CCDC32: variants seen among roughly 807,000 people sequenced by gnomAD.
CCDC32 encodes coiled-coil domain-containing protein 32.
In CCDC32, 9 loss-of-function variants were observed where a neutral mutation model predicts 20.1. The observed-to-expected ratio is 0.45, with a 90% confidence interval of 0.27 to 0.78. The LOEUF (loss-of-function observed/expected upper bound fraction) is 0.78, where lower values mean the gene tolerates loss of function less well. CCDC32 is among the 30% of genes least tolerant of loss of function. The probability of loss-of-function intolerance (pLI) is 0.16; values close to 1 mark genes in which losing one functional copy is unlikely to be tolerated. For synonymous variants in CCDC32, 63 were observed against 79.0 expected (o/e 0.80, Z 1.07); for missense variants, 204 against 215.5 (o/e 0.95, Z 0.33).
At chr15:40,532,848 C>T (rs924803331), downstream of CCDC32, among the ~76,000 whole-genome samples, 8 of 150,870 alleles carry the variant, frequency 5.3e-5, no homozygotes, top group South Asian at 4.2e-4. Flanking sequence ...CAGGCTGGCG[C>T]GTGCCACCAG....
At chr15:40,560,645 G>C (rs1890558538) in intron 2 of CCDC32, among the ~76,000 whole-genome samples, 1 of 152,082 alleles carries the variant, frequency 6.6e-6, no homozygotes, top group Non-Finnish European at 1.5e-5. Flanking sequence ...TAATCATCAG[G>C]GAAATGCAAG....
At chr15:40,532,644 C>T (rs1888923177), downstream of CCDC32, among the ~76,000 whole-genome samples, 1 of 150,624 alleles carries the variant, frequency 6.6e-6, no homozygotes, top group Admixed American at 6.6e-5. Context: ...TTCCATACTG[C>T]TGCATATTCT....
intron 2 of CCDC32, 46 bp from the exon 3 acceptor site, chr15:40,557,418 A>G (rs770449289): frequency 6.5e-7 from 1 of 1,542,612 alleles, no homozygotes; most frequent in Non-Finnish European, 8.7e-7. Flanking sequence ...GCATGACATG[A>G]AATTTTAACT....
At chr15:40,533,024 C>T (rs368816943), downstream of CCDC32, among the ~76,000 whole-genome samples, 51 of 151,990 alleles carry the variant, frequency 3.4e-4, 1 homozygote, top group South Asian at 8.1e-3. Flanking sequence ...TATTATATAT[C>T]ATAATTTCTA....
Position 40,539,840 on chromosome 15 carries a change from C to CCACACACACACACACACACACACACA in CCDC32, c.402-511_402-486dup, listed in dbSNP as rs142688774. Reference sequence around the variant, plus strand: ...CCTAATAAGAGTGATCAAACTGTTGCCACACACACACACACACACACACAC... The same window carrying CCACACACACACACACACACACACACA: ...CCTAATAAGAGTGATCAAACTGTTGCCACACACACACACACACACACACACACACACACACACACACACACACACAC... On this transcript the variant is annotated intron_variant, in intron 3 of 3. Coordinates refer to the CCDC32 transcript ENST00000558113. 7.8e-4 allele frequency among the ~76,000 whole-genome samples: 105 copies of CCACACACACACACACACACACACACA among 134,628 alleles called. 1 individual carries two copies. The highest frequency in any genetic ancestry group is 2.7e-3 in the Admixed American group (34 of 12,468). The allele number at this position is 134,628 out of a possible 152,430, so 88.3% of individuals were successfully genotyped here. A position where few individuals can be genotyped will look rare whatever the true frequency, so the allele number is the denominator to read the frequency against.
rs1187790620 is a variant in CCDC32 at position 40,557,216 on chromosome 15, C to G, written c.401G>C (p.Ser134Thr). 1 of 1,610,528 alleles carries G rather than the reference C, an allele frequency of 6.2e-7. No individual in the cohort carries two copies. The highest frequency in any genetic ancestry group is 2.2e-5 in the East Asian group (1 of 44,816). Residue 134 changes from serine to threonine, a missense_variant and splice_region_variant, in exon 3 of 4, where the codon AGC (serine) becomes ACC (threonine). By Grantham distance (58) the Ser-to-Thr change is moderately conservative. Transcript: ENST00000416810. ...TGGAACTAGACGGGGAATCGATTAC[C>G]TCTCATCAGAATCAAGTCCATCCAC... ...FFVDGLDSDE[S>T]TLEHFKRWLQ...
intron 2 of CCDC32, among the ~76,000 whole-genome samples, chr15:40,561,051 C>G (rs926311148): frequency 6.6e-6 from 1 of 152,162 alleles, no homozygotes; most frequent in Admixed American, 6.5e-5. Context: ...AAAATAATGT[C>G]TTCTGCAGCA....
intron 2 of CCDC32, among the ~76,000 whole-genome samples, chr15:40,561,363 C>G (rs1175655185): frequency 6.6e-6 from 1 of 151,982 alleles, no homozygotes; most frequent in East Asian, 1.9e-4. Context: ...ATCCCAGCTA[C>G]TCAGGAGGCT....
At chr15:40,562,717 AC>A (rs1216654813) in intron 2 of CCDC32, 54 bp downstream of exon 2, 4 of 1,556,550 alleles carry the variant, frequency 2.6e-6, no homozygotes, top group Non-Finnish European at 2.6e-6. Context: ...AGAATAGGAA[AC>A]CAAGTTTGAT....
chr15:40,558,179 A>G (rs1890377297), intron 2 of CCDC32, among the ~76,000 whole-genome samples: 1 of 152,250 alleles, frequency 6.6e-6, no homozygotes, highest in Non-Finnish European at 1.5e-5. Flanking sequence ...CTATAAGTAC[A>G]TAGGTTAATG....
At chr15:40,529,663 T>G (rs1343984865) in intron 3 of CCDC32, 1 of 149,956 alleles carries the variant, frequency 6.7e-6, no homozygotes, top group African/African-American at 2.5e-5. Flanking sequence ...TGGATGGTTT[T>G]TTTTTTTTTT....
chr15:40,540,673 A>T (rs1889354494), intron 3 of CCDC32, among the ~76,000 whole-genome samples: 2 of 152,014 alleles, frequency 1.3e-5, no homozygotes, highest in African/African-American at 4.8e-5. Flanking sequence ...CCAGCCCAGC[A>T]TTTTCTTCTT....
At chr15:40,547,603 T>A (rs1889673845) in intron 3 of CCDC32, among the ~76,000 whole-genome samples, 1 of 152,308 alleles carries the variant, frequency 6.6e-6, no homozygotes, top group East Asian at 1.9e-4. Context: ...CCAGGAGCAA[T>A]GGGTCTTTGC....
chr15:40,535,106 G>A (rs1595883583), downstream of CCDC32: 5 of 902,316 alleles, frequency 5.5e-6, no homozygotes, highest in Non-Finnish European at 8.7e-6. Context: ...GCTCTGTGCA[G>A]TCAGCAGGAG....
At chr15:40,562,371 C>T (rs1416108212) in intron 2 of CCDC32, among the ~76,000 whole-genome samples, 4 of 151,964 alleles carry the variant, frequency 2.6e-5, no homozygotes, top group Non-Finnish European at 4.4e-5. Context: ...GTCAGGCATT[C>T]GAGACCAGCC....
downstream of CCDC32, among the ~76,000 whole-genome samples, chr15:40,525,419 T>C (rs1299932931): frequency 6.6e-6 from 1 of 152,076 alleles, no homozygotes; most frequent in Non-Finnish European, 1.5e-5. Flanking sequence ...CGCCTCAGCC[T>C]CCCAAAGTGG....
intron 2 of CCDC32, chr15:40,558,035 T>C (rs758855213): frequency 4.6e-5 from 7 of 152,364 alleles, no homozygotes; most frequent in Non-Finnish European, 8.8e-5. Flanking sequence ...GTGCTCCATA[T>C]GGCTTCTTGA....
At chr15:40,529,105 G>C (rs989877942) in intron 3 of CCDC32, among the ~76,000 whole-genome samples, 1 of 152,198 alleles carries the variant, frequency 6.6e-6, no homozygotes, top group Admixed American at 6.5e-5. Context: ...AGAAGCTGCC[G>C]CTCTGCAGGG....
chr15:40,551,130 C>T (rs1305811432), downstream of CCDC32, among the ~76,000 whole-genome samples: 1 of 152,136 alleles, frequency 6.6e-6, no homozygotes, highest in Non-Finnish European at 1.5e-5. Flanking sequence ...CGCCTGTAAT[C>T]CCACCACTTT....
Sources: allele counts gnomAD v4.1 joint callset (sites outside exome capture counted in the v4.1 genomes callset), GRCh38; gene constraint gnomAD v4.1.1; transcripts MANE v1.5; gene names NCBI Gene and HGNC (gene_info 2026-07-23, HGNC 2026-07-21).